The following ADAM32 variants were observed in gnomAD, a reference collection of about 807,000 sequenced individuals.
ADAM32 encodes ADAM metallopeptidase domain 32, also known as disintegrin and metalloproteinase domain-containing protein 32.
In ADAM32, 89 loss-of-function variants were observed where a neutral mutation model predicts 114.9. The ratio of observed to expected loss-of-function variants is 0.77; its 90% confidence interval spans 0.65 to 0.92. ADAM32 has a LOEUF of 0.92. ADAM32 is among the 40% of genes least tolerant of loss of function. ADAM32 has a pLI of 0.00. For synonymous variants in ADAM32, 285 were observed against 307.5 expected (o/e 0.93, Z 0.77); for missense variants, 870 against 932.8 (o/e 0.93, Z 0.88).
intron 11 of ADAM32, among the ~76,000 whole-genome samples, chr8:39,189,265 A>T (rs965872608): frequency 6.6e-6 from 1 of 152,202 alleles, no homozygotes; most frequent in Admixed American, 6.5e-5. Flanking sequence ...GTATTAGTCA[A>T]CAAGTTTATC....
intron 6 of ADAM32, chr8:39,157,558 C>A: frequency 1.9e-6 from 1 of 513,618 alleles, no homozygotes. Flanking sequence ...TCTTCCTTTG[C>A]AATCTGGTCT....
chr8:39,124,947 A>C (rs1292467568), intron 2 of ADAM32, among the ~76,000 whole-genome samples: 1 of 152,176 alleles, frequency 6.6e-6, no homozygotes, highest in Non-Finnish European at 1.5e-5. Context: ...TGGTTGAACT[A>C]ATTTACATTC....
At chr8:39,122,799 C>T (rs954720142) in intron 2 of ADAM32, among the ~76,000 whole-genome samples, 1 of 152,140 alleles carries the variant, frequency 6.6e-6, no homozygotes, top group Non-Finnish European at 1.5e-5. Flanking sequence ...GAACTCCTGA[C>T]CTCAAGTGGT....
At chr8:39,191,148 T>A (rs1585499484) in intron 11 of ADAM32, among the ~76,000 whole-genome samples, 1 of 152,344 alleles carries the variant, frequency 6.6e-6, no homozygotes, top group African/African-American at 2.4e-5. Flanking sequence ...TCATCTAGTC[T>A]ACCACTGATG....
chr8:39,275,790 T>C, intron 21 of ADAM32, 38 bp from the exon 22 acceptor site: 1 of 1,538,052 alleles, frequency 6.5e-7, no homozygotes, highest in South Asian at 1.2e-5. Flanking sequence ...TTGTGTTAAG[T>C]ATTAACGTGG....
intron 22 of ADAM32, among the ~76,000 whole-genome samples, chr8:39,280,139 G>A (rs1039474315): frequency 6.6e-6 from 1 of 152,260 alleles, no homozygotes; most frequent in East Asian, 1.9e-4. Context: ...ACCAGGCTTG[G>A]GAAACTGCTC....
At chr8:39,195,129 CTG>C (rs1418598597) in intron 11 of ADAM32, among the ~76,000 whole-genome samples, 1 of 152,192 alleles carries the variant, frequency 6.6e-6, no homozygotes, top group Admixed American at 6.5e-5. Context: ...AGCCCAGCAT[CTG>C]TGTCTTCCCT....
chr8:39,130,794 G>T, intron 2 of ADAM32: 1 of 420,990 alleles, frequency 2.4e-6, no homozygotes, highest in South Asian at 1.8e-5. Flanking sequence ...GACTTTTTGT[G>T]GCCTAGAATA....
intron 16 of ADAM32, among the ~76,000 whole-genome samples, chr8:39,242,911 A>G (rs979471512): frequency 6.6e-6 from 1 of 152,210 alleles, no homozygotes; most frequent in African/African-American, 2.4e-5. Context: ...AAAAGAAGAG[A>G]AAGTTCTAAA....
chr8:39,208,710 A>G (rs1476335579), intron 11 of ADAM32, among the ~76,000 whole-genome samples: 5 of 152,178 alleles, frequency 3.3e-5, no homozygotes, highest in African/African-American at 1.2e-4. Context: ...GGAATATGTC[A>G]TTCCAGTCCT....
chr8:39,180,834 A>T (rs989604953), intron 10 of ADAM32, among the ~76,000 whole-genome samples: 3 of 151,146 alleles, frequency 2.0e-5, no homozygotes, highest in Non-Finnish European at 4.4e-5. Flanking sequence ...ATCTAGCTCA[A>T]GGTTTGTAAA....
intron 16 of ADAM32, among the ~76,000 whole-genome samples, chr8:39,240,706 A>G (rs1228807667): frequency 1.3e-5 from 2 of 152,182 alleles, no homozygotes; most frequent in African/African-American, 4.8e-5. Context: ...TTTTAAAACC[A>G]TCAGATCTTG....
At chr8:39,184,201 C>T (rs181500153) in intron 10 of ADAM32, among the ~76,000 whole-genome samples, 14 of 152,288 alleles carry the variant, frequency 9.2e-5, no homozygotes, top group Admixed American at 3.3e-4. Context: ...ATCATTACTC[C>T]TACAATTTCA....
chr8:39,133,157 T>A (rs533162654), intron 2 of ADAM32, among the ~76,000 whole-genome samples: 7 of 152,178 alleles, frequency 4.6e-5, no homozygotes, highest in African/African-American at 1.7e-4. Context: ...TGGGTCATGA[T>A]GTCCCTCATG....
chr8:39,186,055 G>A (rs1182313996), intron 10 of ADAM32, among the ~76,000 whole-genome samples: 1 of 152,106 alleles, frequency 6.6e-6, no homozygotes, highest in Non-Finnish European at 1.5e-5. Flanking sequence ...GTCAATCCAT[G>A]ACTACAGATG....
In ADAM32 at chr8:39,118,802, C is replaced by T. The variant is rs146389465; in HGVS notation, c.138+637C>T. On this transcript the variant is annotated intron_variant, in intron 2 of 24. Coordinates refer to ENST00000379907, the MANE Select transcript of ADAM32 (RefSeq NM_145004.7). ...ATAGAGTTCACCCATTTTAAGGGTA[C>T]AACTCAACAATTATTACAGCAGTAC... Among the ~76,000 whole-genome samples the T allele has an allele frequency of 2.4e-4, 36 of 152,224 alleles. No individual in the cohort carries two copies. In the East Asian group the frequency reaches 6.9e-3, roughly 29 times the overall value.
In ADAM32 at chr8:39,211,278, A is replaced by G; in HGVS notation, c.1187A>G (p.Asn396Ser). 1.3e-6 allele frequency: 2 copies of G among 1,593,504 alleles called. No individual in the cohort carries two copies. Among genetic ancestry groups the G allele is most frequent in the Non-Finnish European group, 1.7e-6 (2 of 1,170,104 alleles). ...AAATCTCCGAAACCAGTCTGTGGCA[A>G]TGGCAGATTGGAGGGAAATGAAATC... ...QKKSPKPVCG[N>S]GRLEGNEICD... Residue 396 changes from asparagine (N) to serine (S), a missense_variant, in exon 12 of 25, where the codon AAT becomes AGT. Asn to Ser is a conservative substitution (Grantham distance 46). Coordinates refer to ENST00000379907, the MANE Select transcript of ADAM32 (RefSeq NM_145004.7).
intron 9 of ADAM32, chr8:39,167,559 T>G (rs554714135): frequency 6.6e-6 from 1 of 152,294 alleles, no homozygotes; most frequent in South Asian, 2.1e-4. Flanking sequence ...TTTTAGAATT[T>G]TTTTTCTAAT....
intron 2 of ADAM32, among the ~76,000 whole-genome samples, chr8:39,129,125 CTTT>C (rs71218309): frequency 7.5e-6 from 1 of 133,504 alleles, no homozygotes; most frequent in Non-Finnish European, 1.6e-5. Flanking sequence ...TTTTTTTTGT[CTTT>C]TTTTTTTTTT....
Sources: gnomAD v4.1 joint callset for allele counts (sites outside exome capture counted in the v4.1 genomes callset) on GRCh38, gnomAD v4.1.1 for gene constraint, MANE v1.5 for transcripts, NCBI Gene and HGNC (gene_info 2026-07-23, HGNC 2026-07-21) for gene names.